The following ZDHHC20 variants were observed in gnomAD, a reference collection of about 807,000 sequenced individuals.
The protein encoded by ZDHHC20 is palmitoyltransferase ZDHHC20.
A neutral mutation model predicts 57.8 loss-of-function variants in ZDHHC20; 43 were observed. The ratio of observed to expected loss-of-function variants is 0.74; its 90% CI spans 0.58 to 0.96. ZDHHC20 has a LOEUF of 0.96. Ranked by LOEUF, ZDHHC20 falls within the 40% of genes least tolerant of loss-of-function variation. ZDHHC20 has a pLI of 0.00. For missense variants in ZDHHC20, 391 were observed against 441.1 expected, an observed-to-expected ratio of 0.89 and a Z score of 1.02; for synonymous variants, 157 against 153.0, an observed-to-expected ratio of 1.03 and a Z score of -0.19.
At chr13:21,398,348 C>T (rs540414926) in intron 7 of ZDHHC20, among the ~76,000 whole-genome samples, 2 of 151,902 alleles carry the variant, frequency 1.3e-5, no homozygotes, top group Non-Finnish European at 2.9e-5. Context: ...CCTGTAGTCC[C>T]AGCTACTCGG....
chr13:21,448,255 G>C (rs189697435), intron 1 of ZDHHC20, among the ~76,000 whole-genome samples: 1 of 75,734 alleles, frequency 1.3e-5, no homozygotes, highest in Non-Finnish European at 3.4e-5. Context: ...CCTCTGCCCG[G>C]CCGCCCCTAC....
chr13:21,406,748 T>C (rs1298718221), intron 4 of ZDHHC20, among the ~76,000 whole-genome samples: 1 of 152,154 alleles, frequency 6.6e-6, no homozygotes, highest in Non-Finnish European at 1.5e-5. Flanking sequence ...TATTCCATGG[T>C]GTATATATGC....
intron 1 of ZDHHC20, among the ~76,000 whole-genome samples, chr13:21,444,072 C>T (rs1443747275): frequency 6.6e-6 from 1 of 152,164 alleles, no homozygotes; most frequent in Non-Finnish European, 1.5e-5. Flanking sequence ...AGGAGAATTG[C>T]TTGAACCCGG....
intron 8 of ZDHHC20, among the ~76,000 whole-genome samples, chr13:21,388,266 C>T (rs1874957842): frequency 2.0e-5 from 3 of 151,776 alleles, no homozygotes; most frequent in African/African-American, 7.3e-5. Flanking sequence ...ACAGGCTTCA[C>T]AAAAAATGTT....
At chr13:21,418,902 G>A (rs768481231) in intron 3 of ZDHHC20, among the ~76,000 whole-genome samples, 1 of 152,090 alleles carries the variant, frequency 6.6e-6, no homozygotes, top group Non-Finnish European at 1.5e-5. Flanking sequence ...TCAAAGTCCT[G>A]GGCTAAAGTG....
chr13:21,381,962 A>C, intron 10 of ZDHHC20: 2 of 519,190 alleles, frequency 3.9e-6, no homozygotes, highest in Non-Finnish European at 7.7e-6. Flanking sequence ...GGAAAAAATG[A>C]TTCAGTGATT....
chr13:21,388,096 G>T (rs1053632320), intron 8 of ZDHHC20, among the ~76,000 whole-genome samples: 1 of 152,062 alleles, frequency 6.6e-6, no homozygotes, highest in Admixed American at 6.6e-5. Context: ...TGGCCATGAC[G>T]TACTGGGAGC....
chr13:21,448,387 C>T (rs1234712512), intron 1 of ZDHHC20, among the ~76,000 whole-genome samples: 1,079 of 96,216 alleles, frequency 0.011, 12 homozygotes, highest in African/African-American at 0.042. Context: ...GCCCCCCGCC[C>T]GGCCAGCCGC....
At chr13:21,412,967 CAAAAAAAAAA>C (rs60707653) in intron 4 of ZDHHC20, among the ~76,000 whole-genome samples, 1 of 67,100 alleles carries the variant, frequency 1.5e-5, no homozygotes. Context: ...GACTCCGTCT[CAAAAAAAAAA>C]AAAAAAAAAA....
chr13:21,402,600 T>A lies in ZDHHC20; in HGVS notation c.440+197A>T, dbSNP rs548416410. On this transcript the variant is annotated intron_variant, in intron 5 of 12. Coordinates refer to ENST00000400590, the MANE Select transcript of ZDHHC20 (RefSeq NM_001330059.2). Reference sequence around the variant, plus strand: ...AAATTCTATTAACTGGTATAGGAACTGTTATCAAAGATACAACTTGTGAGT... The same window carrying A: ...AAATTCTATTAACTGGTATAGGAACAGTTATCAAAGATACAACTTGTGAGT... Among the ~76,000 whole-genome samples the A allele has an allele frequency of 2.0e-5, 3 of 152,342 alleles. No individual in the cohort carries two copies. In the East Asian group the frequency reaches 5.8e-4, roughly 29 times the overall value.
At chr13:21,433,953 G>A (rs1882275985) in intron 1 of ZDHHC20, among the ~76,000 whole-genome samples, 1 of 152,118 alleles carries the variant, frequency 6.6e-6, no homozygotes. Context: ...TTAGAAATAT[G>A]TTTTAGTTTT....
intron 9 of ZDHHC20, among the ~76,000 whole-genome samples, chr13:21,384,322 C>A (rs1874033989): frequency 1.3e-5 from 2 of 151,898 alleles, no homozygotes; most frequent in African/African-American, 4.8e-5. Flanking sequence ...CGCCTGTAAT[C>A]CTAGCTACTA....
Position 21,390,715 on chromosome 13 carries a change from C to T in ZDHHC20, c.727+1007G>A, listed in dbSNP as rs137867391. 1.2e-3 allele frequency among the ~76,000 whole-genome samples: 177 copies of T among 152,038 alleles called. 3 individuals carry two copies. The highest frequency in any genetic ancestry group is 2.7e-3 in the African/African-American group (111 of 41,462). On this transcript the variant is annotated intron_variant, in intron 8 of 12. Coordinates refer to ENST00000400590, the MANE Select transcript of ZDHHC20 (RefSeq NM_001330059.2). ...AGGAGTTTGAGACAGGCCTGGGCAA[C>T]GTAGCAAGACCCCATCTCCATAAGA...
chr13:21,397,612 G>T (rs1473356348), intron 7 of ZDHHC20, among the ~76,000 whole-genome samples: 1 of 152,002 alleles, frequency 6.6e-6, no homozygotes, highest in Non-Finnish European at 1.5e-5. Context: ...AGTGAGCCGT[G>T]ATCGCACCAC....
intron 3 of ZDHHC20, 113 bp downstream of exon 3, chr13:21,420,948 A>G: frequency 1.3e-6 from 1 of 792,222 alleles, no homozygotes; most frequent in Non-Finnish European, 2.1e-6. Context: ...AAGCAGTTTT[A>G]TGAATGGAAA....
chr13:21,421,099 T>C lies in ZDHHC20; in HGVS notation c.211A>G (p.Met71Val). The C allele has an allele frequency of 6.2e-7, 1 of 1,613,176 alleles. No individual in the cohort carries two copies. Among genetic ancestry groups the C allele is most frequent in the Non-Finnish European group, 8.5e-7 (1 of 1,179,686 alleles). The change falls in exon 3 of 13, where the codon ATG (methionine) becomes GTG (valine). Residue 71 changes from methionine (M) to valine (V), a missense_variant. Physicochemically the swap from Met to Val is conservative, Grantham distance 21 (BLOSUM62 1). This residue lies in a region of ZDHHC20 where 185 missense variants were observed against 188.0 expected (regional missense o/e 0.98). Coordinates refer to ENST00000400590, the MANE Select transcript of ZDHHC20 (RefSeq NM_001330059.2). ...GAAGCGGGAGATGTGAAAATTGTCA[T>C]CCAATAGGACCATACAAACATAACA... The part of the protein sequence containing the change: ...FFVMFVWSYW[M>V]TIFTSPASPS...
At position 21,380,042 on chromosome 13, in the gene ZDHHC20, C is replaced by T. The variant is rs181040831; in HGVS notation, c.1061-1304G>A. On this transcript the variant is annotated intron_variant, in intron 11 of 12. Transcript: ENST00000400590. Reference sequence around the variant, plus strand: ...ATGTTAGCCAGGATGGTCTCGATCTCGTGACCTCGTGATCCGCCTGCCTCG... The same window carrying T: ...ATGTTAGCCAGGATGGTCTCGATCTTGTGACCTCGTGATCCGCCTGCCTCG... 3.2e-3 allele frequency among the ~76,000 whole-genome samples: 487 copies of T among 151,784 alleles called. 2 individuals are homozygous for T. Among genetic ancestry groups the T allele is most frequent in the African/African-American group, 0.011 (472 of 41,370 alleles).
At chr13:21,377,494 A>G (rs201696684) in intron 12 of ZDHHC20, among the ~76,000 whole-genome samples, 72 of 56,112 alleles carry the variant, frequency 1.3e-3, no homozygotes, top group African/African-American at 5.0e-3. Flanking sequence ...ACTCTGCCCG[A>G]CGTGACCTCC....
Position 21,414,527 on chromosome 13 carries a change from A to ATTTTTTTTTTTTTTTTTTTTTTTT in ZDHHC20, c.250-756_250-755insAAAAAAAAAAAAAAAAAAAAAAAA, listed in dbSNP as rs747307477. Among the ~76,000 whole-genome samples, 320 of 107,426 alleles carry ATTTTTTTTTTTTTTTTTTTTTTTT rather than the reference A, an allele frequency of 3.0e-3. 9 individuals are homozygous for ATTTTTTTTTTTTTTTTTTTTTTTT. Among genetic ancestry groups the ATTTTTTTTTTTTTTTTTTTTTTTT allele is most frequent in the Middle Eastern group, 0.012 (2 of 162 alleles). 70.5% of individuals were successfully genotyped at this position (107,426 alleles called of 152,430 possible). ...AGGCGCACGCCACTATGCCCGGATA[A>ATTTTTTTTTTTTTTTTTTTTTTTT]TTTTTTTTTTTTTTTTTGTATTTTT... On this transcript the variant is annotated intron_variant, in intron 3 of 12. Coordinates refer to ENST00000400590, the MANE Select transcript of ZDHHC20 (RefSeq NM_001330059.2).
Sources: allele counts gnomAD v4.1 joint callset (sites outside exome capture counted in the v4.1 genomes callset), GRCh38; gene constraint gnomAD v4.1.1; regional missense constraint gnomAD v4.1.1; transcripts MANE v1.5; gene names NCBI Gene and HGNC (gene_info 2026-07-23, HGNC 2026-07-21).